Variants in CTNNA2 observed in about 807,000 individuals in gnomAD.
The protein encoded by CTNNA2 is catenin alpha-2.
CTNNA2 carries 42 observed loss-of-function variants against 101.0 expected under a neutral mutation model. The observed-to-expected ratio is 0.42, with a 90% CI of 0.32 to 0.54. The LOEUF is 0.54. CTNNA2 is among the 20% of genes least tolerant of loss of function. CTNNA2 has a pLI of 0.14. For synonymous variants in CTNNA2, 450 were observed against 456.4 expected, an observed-to-expected ratio of 0.99 and a Z score of 0.18; for missense variants, 871 against 1,223.1, an observed-to-expected ratio of 0.71 and a Z score of 4.29.
At position 80,105,460 on chromosome 2, in the gene CTNNA2, A is replaced by C. The variant is rs572175966; in HGVS notation, c.1056+195663A>C. 3.3e-5 allele frequency among the ~76,000 whole-genome samples: 5 copies of C among 152,324 alleles called. No homozygotes were observed. In the East Asian group the frequency reaches 9.7e-4, roughly 29 times the overall value. On this transcript the variant is annotated intron_variant, in intron 7 of 18. Coordinates refer to ENST00000402739, the MANE Select transcript of CTNNA2 (RefSeq NM_001282597.3). The stretch of plus-strand genomic sequence containing the variant: ...TTAACTTGGCTGAGTGCAGTAGCTC[A>C]CACGTATAATCTCAACACTTTGAGA...
intron 4 of CTNNA2, among the ~76,000 whole-genome samples, chr2:79,426,083 A>G (rs1224120729): frequency 6.6e-6 from 1 of 152,174 alleles, no homozygotes; most frequent in African/African-American, 2.4e-5. Flanking sequence ...TAAGGCTTTC[A>G]GTGTAAACAA....
chr2:80,094,579 C>T (rs1363009560), intron 7 of CTNNA2, among the ~76,000 whole-genome samples: 1 of 152,234 alleles, frequency 6.6e-6, no homozygotes, highest in Admixed American at 6.5e-5. Flanking sequence ...GGCATTGAAT[C>T]TATAAATTAC....
At chr2:79,273,128 C>T (rs1397915359) in intron 2 of CTNNA2, among the ~76,000 whole-genome samples, 1 of 151,904 alleles carries the variant, frequency 6.6e-6, no homozygotes. Context: ...CATGCAACAA[C>T]ATTCAAAACC....
intron 7 of CTNNA2, among the ~76,000 whole-genome samples, chr2:79,984,254 C>A (rs1691600107): frequency 6.6e-6 from 1 of 152,200 alleles, no homozygotes; most frequent in Non-Finnish European, 1.5e-5. Context: ...TGGAAACCCT[C>A]TTCAGAAAAA....
intron 2 of CTNNA2, among the ~76,000 whole-genome samples, chr2:79,297,372 A>AAACAT (rs1215205802): frequency 2.0e-5 from 3 of 152,190 alleles, no homozygotes; most frequent in African/African-American, 7.2e-5. Flanking sequence ...CATCTGGCCA[A>AAACAT]AACATCCTTC....
At chr2:80,293,093 C>T (rs1288776941) in intron 7 of CTNNA2, among the ~76,000 whole-genome samples, 1 of 152,108 alleles carries the variant, frequency 6.6e-6, no homozygotes, top group Non-Finnish European at 1.5e-5. Flanking sequence ...ATAGATTTCA[C>T]CATAAATGCA....
intron 7 of CTNNA2, among the ~76,000 whole-genome samples, chr2:80,353,562 C>T (rs1432947977): frequency 6.6e-6 from 1 of 152,128 alleles, no homozygotes; most frequent in Non-Finnish European, 1.5e-5. Context: ...AGGCTCTTTA[C>T]TCCTTTATGC....
chr2:80,339,942 T>A (rs1672084758), intron 7 of CTNNA2, among the ~76,000 whole-genome samples: 1 of 152,238 alleles, frequency 6.6e-6, no homozygotes, highest in South Asian at 2.1e-4. Flanking sequence ...AATCTAAGAA[T>A]GACGCCTTTA....
At chr2:80,381,352 T>C (rs962727184) in intron 7 of CTNNA2, among the ~76,000 whole-genome samples, 1 of 152,100 alleles carries the variant, frequency 6.6e-6, no homozygotes, top group African/African-American at 2.4e-5. Flanking sequence ...AAATATTTCT[T>C]TGGTTGTTTT....
At chr2:79,680,833 C>T (rs966820723) in intron 2 of CTNNA2, among the ~76,000 whole-genome samples, 26 of 152,294 alleles carry the variant, frequency 1.7e-4, no homozygotes, top group African/African-American at 5.8e-4. Flanking sequence ...GGTAAACTGG[C>T]TTTTTCATCA....
intron 7 of CTNNA2, among the ~76,000 whole-genome samples, chr2:80,186,313 A>C (rs7576232): frequency 6.6e-6 from 1 of 151,992 alleles, no homozygotes; most frequent in African/African-American, 2.4e-5. Flanking sequence ...GTATAGAAGG[A>C]CTCCATTGCT....
intron 7 of CTNNA2, among the ~76,000 whole-genome samples, chr2:80,367,345 G>A (rs1675034943): frequency 6.6e-6 from 1 of 152,032 alleles, no homozygotes; most frequent in Non-Finnish European, 1.5e-5. Flanking sequence ...GTAACCACAG[G>A]CAAATTTCTT....
At chr2:79,426,755 G>T (rs1422464785) in intron 4 of CTNNA2, among the ~76,000 whole-genome samples, 3 of 151,856 alleles carry the variant, frequency 2.0e-5, no homozygotes, top group Middle Eastern at 3.2e-3. Flanking sequence ...AATCTCTTAA[G>T]GTCTATATCT....
intron 7 of CTNNA2, among the ~76,000 whole-genome samples, chr2:80,039,771 A>G (rs10170918): frequency 0.21 from 32,254 of 152,182 alleles, 3,885 homozygotes; most frequent in Non-Finnish European, 0.27. Flanking sequence ...ATTTGAACTC[A>G]AAAAACAGAA....
chr2:79,810,510 CCTTTTCTTTT>C (rs775210947), intron 3 of CTNNA2, among the ~76,000 whole-genome samples: 2 of 148,080 alleles, frequency 1.4e-5, no homozygotes, highest in African/African-American at 2.6e-5. Flanking sequence ...TGCCTTTTCA[CCTTTTCTTTT>C]CTTTTCTTTT....
At chr2:79,716,980 T>C (rs1336888546) in intron 2 of CTNNA2, among the ~76,000 whole-genome samples, 2 of 151,604 alleles carry the variant, frequency 1.3e-5, no homozygotes, top group Admixed American at 6.6e-5. Flanking sequence ...ATCATTGTAA[T>C]AAGAAGTCAT....
chr2:80,286,554 C>T (rs1674782758), intron 7 of CTNNA2, among the ~76,000 whole-genome samples: 1 of 152,134 alleles, frequency 6.6e-6, no homozygotes, highest in Non-Finnish European at 1.5e-5. Context: ...TTTGCTGGTG[C>T]GCTTAGCCAG....
intron 3 of CTNNA2, among the ~76,000 whole-genome samples, chr2:79,848,414 C>A (rs1038953973): frequency 2.6e-5 from 4 of 152,180 alleles, no homozygotes; most frequent in Admixed American, 6.5e-5. Flanking sequence ...ACAATAATCA[C>A]CTTTTTATGG....
intron 7 of CTNNA2, among the ~76,000 whole-genome samples, chr2:80,078,559 T>G (rs915591058): frequency 6.6e-6 from 1 of 152,158 alleles, no homozygotes; most frequent in Non-Finnish European, 1.5e-5. Flanking sequence ...GTATGGTGTA[T>G]GGGTTGCAGA....
Sources: gnomAD v4.1 joint callset for allele counts (sites outside exome capture counted in the v4.1 genomes callset) on GRCh38, gnomAD v4.1.1 for gene constraint, MANE v1.5 for transcripts, NCBI Gene and HGNC (gene_info 2026-07-23, HGNC 2026-07-21) for gene names.